EYA4: variants seen among roughly 807,000 people sequenced by gnomAD.
EYA4 encodes protein phosphatase EYA4.
Under a neutral mutation model 87.9 loss-of-function variants are expected in EYA4, and 31 were observed. The observed-to-expected ratio is 0.35, with a 90% CI of 0.27 to 0.48. The LOEUF (loss-of-function observed/expected upper bound fraction) is 0.48, where lower values mean the gene tolerates loss of function less well. Among genes scored for constraint, EYA4 ranks in the 20% least tolerant of loss-of-function variants. The pLI is 0.99. For synonymous variants in EYA4, 263 were observed against 270.6 expected (o/e 0.97, Z 0.28); for missense variants, 678 against 761.4 (o/e 0.89, Z 1.29).
chr6:133,444,064 T>C (rs1378997455), intron 3 of EYA4, among the ~76,000 whole-genome samples: 2 of 152,214 alleles, frequency 1.3e-5, no homozygotes, highest in Non-Finnish European at 2.9e-5. Context: ...TTTCCAAATC[T>C]TACGTGTATA....
rs116024493 is a variant in EYA4, at chr6:133,424,152, G to A, written c.84-22478G>A. On this transcript the variant is annotated intron_variant, in intron 3 of 19. Transcript: ENST00000355286. The stretch of plus-strand genomic sequence containing the variant: ...CTGCTGGTTGTCCTGTTGTCTCTTT[G>A]CCCCCTTCGGCCATCCTCTGGCTGT... 7.0e-3 allele frequency among the ~76,000 whole-genome samples: 1,072 copies of A among 152,302 alleles called. 9 individuals carry two copies. The highest frequency in any genetic ancestry group is 0.024 in the African/African-American group (980 of 41,568).
At chr6:133,396,961 A>G (rs1289444789) in intron 3 of EYA4, among the ~76,000 whole-genome samples, 2 of 152,224 alleles carry the variant, frequency 1.3e-5, no homozygotes, top group African/African-American at 4.8e-5. Context: ...GATTTTCATC[A>G]GAGGAAGATA....
intron 17 of EYA4, 72 bp from the exon 18 acceptor site, chr6:133,522,984 G>C: frequency 7.4e-7 from 1 of 1,349,010 alleles, no homozygotes; most frequent in Non-Finnish European, 1.1e-6. Context: ...AGAGACCACA[G>C]TGACAATTTT....
intron 2 of EYA4, among the ~76,000 whole-genome samples, chr6:133,297,574 T>C (rs1779036198): frequency 6.6e-6 from 1 of 152,208 alleles, no homozygotes; most frequent in Non-Finnish European, 1.5e-5. Context: ...ACTCCTGGTT[T>C]TGCCTTACTA....
At chr6:133,340,169 T>C (rs1390413794) in intron 2 of EYA4, among the ~76,000 whole-genome samples, 1 of 152,200 alleles carries the variant, frequency 6.6e-6, no homozygotes, top group East Asian at 1.9e-4. Context: ...ATAGGCTTAA[T>C]GTGTTAAAAC....
intron 6 of EYA4, 152 bp from the exon 7 acceptor site, chr6:133,460,962 G>A: frequency 2.9e-6 from 2 of 691,266 alleles, no homozygotes; most frequent in Non-Finnish European, 5.3e-6. Context: ...GTTTAATTAG[G>A]AGAAAGTGTT....
intron 2 of EYA4, among the ~76,000 whole-genome samples, chr6:133,276,325 G>A (rs1777160261): frequency 6.6e-6 from 1 of 152,170 alleles, no homozygotes; most frequent in South Asian, 2.1e-4. Flanking sequence ...AGAACTTTCA[G>A]TGCTAAAGCA....
chr6:133,348,519 C>A lies in EYA4; in HGVS notation c.34-33873C>A, dbSNP rs1783393206. Among the ~76,000 whole-genome samples the A allele has an allele frequency of 2.0e-5, 3 of 152,074 alleles. No homozygotes were observed. The South Asian group carries it at 6.2e-4, about 32-fold the overall frequency. ...TAACCTTGTGAATCACCTGCCTCGG[C>A]CTCCCAAAGTGCTGGGATTACAGGC... On this transcript the variant is annotated intron_variant, in intron 2 of 19. Transcript: ENST00000355286.
intron 2 of EYA4, among the ~76,000 whole-genome samples, chr6:133,355,675 C>T (rs538739300): frequency 6.6e-6 from 1 of 152,128 alleles, no homozygotes; most frequent in Admixed American, 6.5e-5. Context: ...TATAAGATCT[C>T]TAAAGAGATT....
At chr6:133,404,449 C>T (rs949993625) in intron 3 of EYA4, among the ~76,000 whole-genome samples, 1 of 152,048 alleles carries the variant, frequency 6.6e-6, no homozygotes, top group African/African-American at 2.4e-5. Flanking sequence ...TGACAAGTAG[C>T]TACTCCTAGT....
At chr6:133,483,698 GTTATTA>G (rs71545064) in intron 13 of EYA4, among the ~76,000 whole-genome samples, 1,703 of 134,370 alleles carry the variant, frequency 0.013, 35 homozygotes, top group African/African-American at 0.038. Flanking sequence ...TTATTTCATT[GTTATTA>G]TTATTATTAT....
intron 2 of EYA4, among the ~76,000 whole-genome samples, chr6:133,338,600 G>A (rs1782551472): frequency 6.6e-6 from 1 of 152,102 alleles, no homozygotes; most frequent in African/African-American, 2.4e-5. Flanking sequence ...TATAGTCACA[G>A]AAAAATGATA....
chr6:133,397,073 A>G (rs989331142), intron 3 of EYA4, among the ~76,000 whole-genome samples: 1 of 152,238 alleles, frequency 6.6e-6, no homozygotes, highest in Non-Finnish European at 1.5e-5. Flanking sequence ...CCCAGAATGA[A>G]TCACTCAACT....
chr6:133,526,132 C>T (rs1324747749), intron 19 of EYA4, among the ~76,000 whole-genome samples: 1 of 152,150 alleles, frequency 6.6e-6, no homozygotes, highest in Non-Finnish European at 1.5e-5. Context: ...TGGCCCCCAC[C>T]ACCAGACTGT....
At chr6:133,271,884 C>T (rs1776720479) in intron 1 of EYA4, among the ~76,000 whole-genome samples, 1 of 152,204 alleles carries the variant, frequency 6.6e-6, no homozygotes, top group African/African-American at 2.4e-5. Context: ...TTTGTGAGCA[C>T]TCATATGGAA....
chr6:133,329,158 T>C (rs139046916), intron 2 of EYA4, among the ~76,000 whole-genome samples: 26 of 152,238 alleles, frequency 1.7e-4, no homozygotes, highest in African/African-American at 6.0e-4. Flanking sequence ...TATGATTTGA[T>C]GATTCTTAGG....
At chr6:133,299,539 G>A (rs1032801068) in intron 2 of EYA4, among the ~76,000 whole-genome samples, 8 of 151,492 alleles carry the variant, frequency 5.3e-5, no homozygotes, top group Non-Finnish European at 7.4e-5. Context: ...GTGAAACCCC[G>A]TCTCTACTAA....
chr6:133,439,138 T>C (rs992979953), intron 3 of EYA4, among the ~76,000 whole-genome samples: 3 of 151,460 alleles, frequency 2.0e-5, no homozygotes, highest in African/African-American at 7.3e-5. Flanking sequence ...GCATTGACTG[T>C]AATTAAGTCT....
intron 19 of EYA4, among the ~76,000 whole-genome samples, chr6:133,528,387 C>G (rs139337194): frequency 1.5e-4 from 23 of 152,180 alleles, no homozygotes; most frequent in African/African-American, 5.1e-4. Flanking sequence ...TTTCCATTAG[C>G]CAGGTAGGAT....
Sources: allele counts gnomAD v4.1 joint callset (sites outside exome capture counted in the v4.1 genomes callset), GRCh38; gene constraint gnomAD v4.1.1; transcripts MANE v1.5; gene names NCBI Gene and HGNC (gene_info 2026-07-23, HGNC 2026-07-21).